The following SKIL variants were observed in gnomAD, a reference collection of about 807,000 sequenced individuals.
SKIL encodes the protein ski-like protein.
Under a neutral mutation model 69.6 loss-of-function variants are expected in SKIL, and 20 were observed. The ratio of observed to expected loss-of-function variants is 0.29; its 90% CI spans 0.20 to 0.42. The LOEUF is 0.42. SKIL is among the 10% of genes least tolerant of loss of function. The probability of loss-of-function intolerance (pLI) is 1.00; values close to 1 mark genes in which losing one functional copy is unlikely to be tolerated. For missense variants in SKIL, 745 were observed against 783.1 expected, an observed-to-expected ratio of 0.95 and a Z score of 0.58; for synonymous variants, 310 against 279.9, an observed-to-expected ratio of 1.11 and a Z score of -1.08.
chr3:170,364,466 G>A (rs1371767033), intron 2 of SKIL, among the ~76,000 whole-genome samples: 1 of 151,016 alleles, frequency 6.6e-6, no homozygotes, highest in African/African-American at 2.4e-5. Flanking sequence ...CGGGGTTACA[G>A]GTGCCCACCA....
At chr3:170,391,324 C>A in intron 6 of SKIL, 64 bp downstream of exon 6, 1 of 740,206 alleles carries the variant, frequency 1.4e-6, no homozygotes, top group South Asian at 2.1e-5. Context: ...TTACTTCTCT[C>A]TTTTTTTTTT....
chr3:170,387,311 A>C (rs1394868043), intron 4 of SKIL, among the ~76,000 whole-genome samples: 1 of 152,158 alleles, frequency 6.6e-6, no homozygotes, highest in East Asian at 1.9e-4. Context: ...AATTAACCCT[A>C]TAATCCATTA....
chr3:170,375,175 T>TA (rs1253307815), intron 2 of SKIL, among the ~76,000 whole-genome samples: 1 of 152,230 alleles, frequency 6.6e-6, no homozygotes, highest in Non-Finnish European at 1.5e-5. Flanking sequence ...AGACATTGGC[T>TA]AGGGGACTAT....
chr3:170,358,323 G>T (rs946167769), intron 1 of SKIL, among the ~76,000 whole-genome samples: 2 of 151,904 alleles, frequency 1.3e-5, no homozygotes, highest in Admixed American at 1.3e-4. Context: ...GCCCCCGCGG[G>T]GGGGCGGTGT....
intron 2 of SKIL, among the ~76,000 whole-genome samples, chr3:170,361,753 T>C (rs1736249419): frequency 6.6e-6 from 1 of 151,592 alleles, no homozygotes; most frequent in Non-Finnish European, 1.5e-5. Flanking sequence ...TTTTTTTTTT[T>C]TTTTTGTGCT....
Position 170,382,269 on chromosome 3 carries a change from A to C in SKIL, c.1196+928A>C, listed in dbSNP as rs576649277. On this transcript the variant is annotated intron_variant, in intron 3 of 6. Transcript: ENST00000259119. ...GTAAATTGCACTGAATATTTGAAAT[A>C]ACCTTTACTATGTGTTTCTATGTGT... is the stretch of plus-strand genomic sequence containing the variant. Among the ~76,000 whole-genome samples the C allele has an allele frequency of 5.3e-3, 811 of 152,294 alleles. 6 individuals are homozygous for C. Among genetic ancestry groups the C allele is most frequent in the African/African-American group, 0.018 (735 of 41,558 alleles).
chr3:170,388,138 G>T (rs1737745157), intron 4 of SKIL, among the ~76,000 whole-genome samples: 1 of 151,982 alleles, frequency 6.6e-6, no homozygotes, highest in Non-Finnish European at 1.5e-5. Flanking sequence ...GTGGTAGCTT[G>T]GGAGTTTCAA....
intron 3 of SKIL, 77 bp from the exon 4 acceptor site, chr3:170,384,452 CAGAA>C (rs1737516193): frequency 1.6e-6 from 1 of 628,642 alleles, no homozygotes; most frequent in African/African-American, 1.9e-5. Context: ...AGTTTAACCA[CAGAA>C]ATGCATGTTA....
At chr3:170,390,510 T>G in intron 5 of SKIL, 46 bp downstream of exon 5, 1 of 1,507,964 alleles carries the variant, frequency 6.6e-7, no homozygotes, top group East Asian at 2.3e-5. Context: ...AAGATACTTT[T>G]GTATATTGCT....
chr3:170,373,230 G>A (rs1188539837), intron 2 of SKIL, among the ~76,000 whole-genome samples: 4 of 149,148 alleles, frequency 2.7e-5, no homozygotes, highest in African/African-American at 9.9e-5. Flanking sequence ...ACAGTGGTGT[G>A]ATCTCGGCTC....
intron 4 of SKIL, 38 bp from the exon 5 acceptor site, chr3:170,390,185 A>T: frequency 6.9e-7 from 1 of 1,455,534 alleles, no homozygotes. Flanking sequence ...TAATGGAGTG[A>T]TATTCATACT....
rs1577406289 is a variant in SKIL at position 170,361,191 on chromosome 3, C to T, written c.860C>T (p.Pro287Leu). ...APQFYVQPDA[P>L]CIQCLECCGM... Reference sequence around the variant, plus strand: ...CAGTTTTATGTTCAGCCTGATGCTCCGTGTATTCAATGTCTGGAGTGTTGT... The same window carrying T: ...CAGTTTTATGTTCAGCCTGATGCTCTGTGTATTCAATGTCTGGAGTGTTGT... Residue 287 changes from proline (P) to leucine (L), a missense_variant, in exon 2 of 7, where the codon CCG becomes CTG. By Grantham distance (98) the Pro-to-Leu change is moderately conservative (BLOSUM62 -3). Transcript: ENST00000259119. 1.2e-6 allele frequency: 2 copies of T among 1,614,166 alleles called. No homozygotes were observed. The highest frequency in any genetic ancestry group is 1.7e-6 in the Non-Finnish European group (2 of 1,180,018).
intron 4 of SKIL, among the ~76,000 whole-genome samples, chr3:170,386,143 G>T (rs151301963): frequency 0.016 from 2,419 of 148,102 alleles, 69 homozygotes; most frequent in African/African-American, 0.057. Context: ...TTGTTTGTTT[G>T]TTTGGAGACA....
chr3:170,361,154 T>G lies in SKIL; in HGVS notation c.823T>G (p.Leu275Val). ...TGAATGCCTAGGCAAATGTCAGGGT[T>G]TATTTGCACCCCAGTTTTATGTTCA... ...EHECLGKCQG[L>V]FAPQFYVQPD... Residue 275 changes from leucine to valine, a missense_variant, in exon 2 of 7, where the codon TTA becomes GTA. Leu to Val is a conservative substitution (Grantham distance 32, BLOSUM62 1). Coordinates refer to ENST00000259119, the MANE Select transcript of SKIL (RefSeq NM_005414.5). 1 of 1,614,224 alleles carries G rather than the reference T, an allele frequency of 6.2e-7. No homozygotes were observed.
At chr3:170,380,655 A>AT (rs764807077) in intron 2 of SKIL, among the ~76,000 whole-genome samples, 20 of 151,380 alleles carry the variant, frequency 1.3e-4, no homozygotes, top group Admixed American at 3.3e-4. Context: ...AAAAAAAAAA[A>AT]AAATAAATAA....
At chr3:170,362,207 T>G (rs907642293) in intron 2 of SKIL, among the ~76,000 whole-genome samples, 13 of 152,142 alleles carry the variant, frequency 8.5e-5, no homozygotes, top group African/African-American at 2.2e-4. Flanking sequence ...TAATAAAATA[T>G]TAATATAAAA....
intron 3 of SKIL, among the ~76,000 whole-genome samples, chr3:170,382,412 GA>G (rs1347088923): frequency 1.4e-4 from 12 of 83,268 alleles, no homozygotes; most frequent in Non-Finnish European, 2.3e-4. Context: ...GTGCAACTTT[GA>G]TTTTTTTTTT....
At chr3:170,370,439 G>GCCCCCCC (rs34185518) in intron 2 of SKIL, among the ~76,000 whole-genome samples, 3 of 11,194 alleles carry the variant, frequency 2.7e-4, no homozygotes, top group Non-Finnish European at 3.4e-4. Flanking sequence ...GAGAGAGAGA[G>GCCCCCCC]CCCCCCCCCC....
rs143826284 is a variant in SKIL, at chr3:170,381,339, C to A, written c.1194C>A (p.Pro398=). 3.4e-6 allele frequency: 5 copies of A among 1,456,558 alleles called. No homozygotes were observed. The highest frequency in any genetic ancestry group is 1.7e-4 in the Middle Eastern group (1 of 5,814). 90.2% of individuals were successfully genotyped at this position (1,456,558 alleles called of 1,614,324 possible). A position where few individuals can be genotyped will look rare whatever the true frequency, so the allele number is the denominator to read the frequency against. ...HVSQTHSFLH[P]SYYLYMCDKV... ...CTCAGACACATTCATTTTTACACCCCAGGTGAGTTGGTATTTATTTGTTCG... is the reference window on the plus strand; with the variant it reads ...CTCAGACACATTCATTTTTACACCCAAGGTGAGTTGGTATTTATTTGTTCG... The change falls in exon 3 of 7, where the codon CCC becomes CCA. Residue 398 remains proline (P), a splice_region_variant and synonymous_variant. Transcript: ENST00000259119.
Sources: gnomAD v4.1 joint callset for allele counts (sites outside exome capture counted in the v4.1 genomes callset) on GRCh38, gnomAD v4.1.1 for gene constraint, MANE v1.5 for transcripts, NCBI Gene and HGNC (gene_info 2026-07-23, HGNC 2026-07-21) for gene names.